Variants in NHS observed in about 807,000 individuals in gnomAD.
NHS encodes NHS actin remodeling regulator, also known as actin remodeling regulator NHS.
In NHS, 5 loss-of-function variants were observed where a neutral mutation model predicts 72.5. The observed-to-expected ratio is 0.07, with a 90% confidence interval of 0.04 to 0.14. The LOEUF (loss-of-function observed/expected upper bound fraction) is 0.14. NHS is among the 10% of genes least tolerant of loss of function. The pLI is 1.00. For missense variants in NHS, 1,072 were observed against 1,355.7 expected, an observed-to-expected ratio of 0.79 and a Z score of 3.29; for synonymous variants, 464 against 547.7, an observed-to-expected ratio of 0.85 and a Z score of 2.13.
chrX:17,537,983 G>A (rs948082824), intron 1 of NHS, among the ~76,000 whole-genome samples: 2 of 111,925 alleles, frequency 1.8e-5, no homozygotes, highest in Non-Finnish European at 3.8e-5. Flanking sequence ...AGCCAGCCAC[G>A]GGCAGGAGGG....
rs747140669 is a variant in NHS, at chrX:17,385,984, C to T, written c.565+9662C>T. Among the ~76,000 whole-genome samples, 10 of 111,869 alleles carry T rather than the reference C, an allele frequency of 8.9e-5. No individual in the cohort carries two copies. The South Asian group carries it at 2.3e-3, about 25-fold the overall frequency. On this transcript the variant is annotated intron_variant, in intron 1 of 8. Coordinates refer to ENST00000676302, the MANE Select transcript of NHS (RefSeq NM_001291867.2). ...ATCTTTTTTAAGATGTCCCAAATGGCAGCTCATCTGGTTTCCATGCCCTCT... is the reference window on the plus strand; with the variant it reads ...ATCTTTTTTAAGATGTCCCAAATGGTAGCTCATCTGGTTTCCATGCCCTCT...
chrX:17,548,434 A>G lies in NHS; in HGVS notation c.566-139308A>G, dbSNP rs1034262613. Among the ~76,000 whole-genome samples, 15 of 111,022 alleles carry G rather than the reference A, an allele frequency of 1.4e-4. No homozygotes were observed. In the Admixed American group the frequency reaches 1.4e-3, roughly 11 times the overall value. ...TGCCAGTTTTGTGGATCCCCAGGGA[A>G]CAGAGGCTGGGGTGGGGGTAGTAAC... On this transcript the variant is annotated intron_variant, in intron 1 of 8. Coordinates refer to ENST00000676302, the MANE Select transcript of NHS (RefSeq NM_001291867.2).
chrX:17,712,681 G>A (rs747443989), intron 3 of NHS, among the ~76,000 whole-genome samples: 40 of 109,578 alleles, frequency 3.7e-4, no homozygotes, highest in Non-Finnish European at 6.5e-4. Flanking sequence ...ACTGTGGATT[G>A]GGTTTTTCAT....
chrX:17,634,253 C>T (rs984870114), intron 1 of NHS, among the ~76,000 whole-genome samples: 1 of 112,310 alleles, frequency 8.9e-6, no homozygotes, highest in Non-Finnish European at 1.9e-5. Context: ...AGTTCCTCTT[C>T]GGAAATGAAG....
chrX:17,465,759 A>G (rs2064868314), intron 1 of NHS, among the ~76,000 whole-genome samples: 1 of 112,342 alleles, frequency 8.9e-6, no homozygotes, highest in Non-Finnish European at 1.9e-5. Context: ...TGTCTATGTT[A>G]AAGCATCATA....
In NHS at chrX:17,490,757, G is replaced by T. The variant is rs752704103; in HGVS notation, c.565+114435G>T. Among the ~76,000 whole-genome samples, 5 of 112,239 alleles carry T rather than the reference G, an allele frequency of 4.5e-5. No homozygotes were observed. The South Asian group carries it at 1.5e-3, about 33-fold the overall frequency. On this transcript the variant is annotated intron_variant, in intron 1 of 8. Transcript: ENST00000676302. ...TGATATTGATTCTTCCTATCCATGA[G>T]CATGGAATGTTTTTCCATTTGTTTG...
At chrX:17,666,831 C>A (rs143789408) in intron 1 of NHS, among the ~76,000 whole-genome samples, 1 of 112,034 alleles carries the variant, frequency 8.9e-6, no homozygotes, top group Admixed American at 9.4e-5. Context: ...TAGCAGCACG[C>A]GAAAAGAGAG....
chrX:17,438,858 T>C (rs961504283), intron 1 of NHS, among the ~76,000 whole-genome samples: 4 of 110,472 alleles, frequency 3.6e-5, no homozygotes, highest in African/African-American at 6.6e-5. Flanking sequence ...AGGATCCTGA[T>C]AGAAATTGGA....
chrX:17,475,962 G>A (rs951369243), intron 1 of NHS, among the ~76,000 whole-genome samples: 1 of 111,569 alleles, frequency 9.0e-6, no homozygotes, highest in African/African-American at 3.3e-5. Context: ...TGTCATGCCC[G>A]CTGCCAGCTT....
chrX:17,380,626 C>T (rs1373129829), intron 1 of NHS, among the ~76,000 whole-genome samples: 2 of 111,812 alleles, frequency 1.8e-5, no homozygotes, highest in African/African-American at 6.5e-5. Flanking sequence ...GGATTACAGG[C>T]GTGAGCCACC....
chrX:17,477,215 C>T (rs1009607754), intron 1 of NHS, among the ~76,000 whole-genome samples: 7 of 111,694 alleles, frequency 6.3e-5, no homozygotes, highest in African/African-American at 2.3e-4. Context: ...CATATTAAAT[C>T]AAGCAATCAA....
Position 17,519,216 on chromosome X carries a change from A to G in NHS, c.565+142894A>G, listed in dbSNP as rs187622138. 1.5e-4 allele frequency among the ~76,000 whole-genome samples: 17 copies of G among 111,746 alleles called. 1 individual carries two copies. The East Asian group carries it at 4.2e-3, about 28-fold the overall frequency. On this transcript the variant is annotated intron_variant, in intron 1 of 8. Coordinates refer to ENST00000676302, the MANE Select transcript of NHS (RefSeq NM_001291867.2). ...CCATACTGTGCTATTAAACATGATT[A>G]CATTTAGCAATGGTCTAAGCAATGG...
At chrX:17,565,187 G>T (rs995041939) in intron 1 of NHS, among the ~76,000 whole-genome samples, 3 of 110,804 alleles carry the variant, frequency 2.7e-5, no homozygotes, top group Non-Finnish European at 5.7e-5. Context: ...AGACTGCCCT[G>T]CCAGGAAGCT....
In NHS at chrX:17,725,651, G is replaced by A; in HGVS notation, c.1545G>A (p.Gly515=). The A allele has an allele frequency of 8.3e-7, 1 of 1,211,614 alleles. No homozygotes were observed. The highest frequency in any genetic ancestry group is 1.1e-6 in the Non-Finnish European group (1 of 895,520). ...TTCCCCGGGAAGGTAATAGAGGTGG[G>A]GATGCTGAGCCCAAAGTTGGCGCTA... ...RSLPREGNRG[G]DAEPKVGAKP... The change falls in exon 7 of 9, where the codon GGG becomes GGA. Residue 515 remains glycine (G), a synonymous_variant. Transcript: ENST00000676302.
In NHS at chrX:17,726,546, G is replaced by A; in HGVS notation, c.2440G>A (p.Gly814Ser). ...AGCCCTGGGCCCAGAGAATGGCCAG[G>A]GTGTAGGGGCTTCCCCTGGTCTTCC... ...YAALGPENGQ[G>S]VGASPGLPDC... The change falls in exon 7 of 9, where the codon GGT (glycine) becomes AGT (serine). Residue 814 changes from glycine (G) to serine (S), a missense_variant. By Grantham distance (56) the Gly-to-Ser change is moderately conservative (BLOSUM62 0). Transcript: ENST00000676302. The A allele has an allele frequency of 8.3e-7, 1 of 1,211,927 alleles. No homozygotes were observed. The highest frequency in any genetic ancestry group is 2.3e-4 in the Middle Eastern group (1 of 4,355).
chrX:17,484,817 G>A (rs2064960885), intron 1 of NHS, among the ~76,000 whole-genome samples: 1 of 110,527 alleles, frequency 9.0e-6, no homozygotes, highest in South Asian at 3.9e-4. Context: ...AGCTCTCCCA[G>A]GTGAGTTGTT....
At chrX:17,500,919 G>A (rs1366650991) in intron 1 of NHS, among the ~76,000 whole-genome samples, 1 of 105,138 alleles carries the variant, frequency 9.5e-6, no homozygotes, top group Non-Finnish European at 2.0e-5. Flanking sequence ...GGTTATTTGA[G>A]AGATTAAGTG....
intron 1 of NHS, among the ~76,000 whole-genome samples, chrX:17,547,790 T>A (rs1182853845): frequency 1.1e-4 from 12 of 111,970 alleles, no homozygotes; most frequent in Non-Finnish European, 2.3e-4. Context: ...ATCCTGTGGG[T>A]CAGCTGGGCA....
intron 1 of NHS, among the ~76,000 whole-genome samples, chrX:17,604,625 A>G (rs907456086): frequency 1.8e-5 from 2 of 112,246 alleles, no homozygotes; most frequent in African/African-American, 6.5e-5. Context: ...TATCTGAATA[A>G]TTAAGGTCTT....
Sources: gnomAD v4.1 joint callset for allele counts (sites outside exome capture counted in the v4.1 genomes callset) on GRCh38, gnomAD v4.1.1 for gene constraint, MANE v1.5 for transcripts, NCBI Gene and HGNC (gene_info 2026-07-23, HGNC 2026-07-21) for gene names.